Variants in ADPRHL1 observed in about 807,000 individuals in gnomAD.
ADPRHL1 encodes the protein inactive ADP-ribosyltransferase ARH2.
A neutral mutation model predicts 44.1 loss-of-function variants in ADPRHL1; 43 were observed. The observed-to-expected ratio is 0.98, with a 90% confidence interval of 0.76 to 1.26. The LOEUF is 1.26. ADPRHL1 is among the 50% of genes most tolerant of loss of function. The pLI is 0.00. For missense variants in ADPRHL1, 2,022 were observed against 2,496.9 expected, an observed-to-expected ratio of 0.81 and a Z score of 4.05; for synonymous variants, 878 against 1,017.4, an observed-to-expected ratio of 0.86 and a Z score of 2.61.
intron 2 of ADPRHL1, among the ~76,000 whole-genome samples, 160 bp downstream of exon 2, chr13:113,444,265 G>A (rs1404260754): frequency 6.6e-6 from 1 of 152,232 alleles, no homozygotes; most frequent in African/African-American, 2.4e-5. Context: ...GCACTGGCCG[G>A]GCTGACCAGG....
At chr13:113,439,668 G>A (rs566356370) in intron 2 of ADPRHL1, among the ~76,000 whole-genome samples, 2 of 151,904 alleles carry the variant, frequency 1.3e-5, no homozygotes, top group East Asian at 1.9e-4. Context: ...GCCTGGTCTC[G>A]AACACCTGAC....
Position 113,407,095 on chromosome 13 carries a change from CG to C in ADPRHL1, c.2186del (p.Pro729ArgfsTer30). The C allele has an allele frequency of 8.1e-7, 1 of 1,232,298 alleles. No homozygotes were observed. Among genetic ancestry groups the C allele is most frequent in the African/African-American group, 1.5e-5 (1 of 64,538 alleles). The allele number at this position is 1,232,298 out of a possible 1,614,324, so 76.3% of individuals were successfully genotyped here. A position where few individuals can be genotyped will look rare whatever the true frequency, so the allele number is the denominator to read the frequency against. ...GLVPASSPLG[P>X]ASPWGTGSAG... ...CTGATCCGGTGCCCCAAGGGCTGGC[CG>C]GTCCCAGTGGGGATGATGCAGGCAC... is the stretch of plus-strand genomic sequence containing the variant. On this transcript the variant is annotated frameshift_variant, in exon 8 of 8. Coordinates refer to ENST00000612156, the MANE Select transcript of ADPRHL1 (RefSeq NM_001394807.1). LOFTEE classifies it low-confidence loss of function (END_TRUNC).
At position 113,408,178 on chromosome 13, in the gene ADPRHL1, G is replaced by T. The variant is rs555614333; in HGVS notation, c.1104C>A (p.Asp368Glu). The T allele has an allele frequency of 4.9e-6, 6 of 1,231,910 alleles. No individual in the cohort carries two copies. Among genetic ancestry groups the T allele is most frequent in the Non-Finnish European group, 6.1e-6 (6 of 987,998 alleles). The allele number at this position is 1,231,910 out of a possible 1,614,324, so 76.3% of individuals were successfully genotyped here. The stretch of plus-strand genomic sequence containing the variant: ...CCATCTTCTTCTTCAGGGTTTGGGC[G>T]TCCACAGACATGACGTCACTGCAGG... ...SKTCSDVMSV[D>E]AQTLKKKMGK... Residue 368 changes from aspartate to glutamate, a missense_variant, in exon 8 of 8, where the codon GAC becomes GAA. Asp to Glu is a conservative substitution (Grantham distance 45). Coordinates refer to ENST00000612156, the MANE Select transcript of ADPRHL1 (RefSeq NM_001394807.1).
intron 3 of ADPRHL1, among the ~76,000 whole-genome samples, chr13:113,429,870 C>T (rs528703753): frequency 8.5e-5 from 13 of 152,366 alleles, no homozygotes; most frequent in African/African-American, 3.1e-4. Flanking sequence ...ATCTTATAGG[C>T]ACTGCCTCCC....
In ADPRHL1 at chr13:113,451,908, T is replaced by C. The variant is rs531184609; in HGVS notation, c.214+1316A>G. ...GATCTCCGTCGGTGCACTTTTGGAG[T>C]GTCCTGTGCCGCTGCCCTCCCTGCG... On this transcript the variant is annotated intron_variant, in intron 1 of 7. Coordinates refer to ENST00000612156, the MANE Select transcript of ADPRHL1 (RefSeq NM_001394807.1). Among the ~76,000 whole-genome samples the C allele has an allele frequency of 2.0e-5, 3 of 152,208 alleles. No individual in the cohort carries two copies. In the East Asian group the frequency reaches 5.8e-4, roughly 29 times the overall value.
rs1780226338 is a variant in ADPRHL1, at chr13:113,409,539, T to G, written c.1062-1319A>C. 1 of 985,244 alleles carries G rather than the reference T, an allele frequency of 1.0e-6. No individual in the cohort carries two copies. The highest frequency in any genetic ancestry group is 4.7e-5 in the South Asian group (1 of 21,292). The allele number at this position is 985,244 out of a possible 1,614,324, so 61.0% of individuals were successfully genotyped here. On this transcript the variant is annotated intron_variant, in intron 7 of 7. Transcript: ENST00000612156. The surrounding 1 kb of genome is among the most constrained non-coding windows in gnomAD (Gnocchi z 4.2). ...TGTGGGAGAAGAGTCGGTGGCCGGA[T>G]GCGGCTGGTGACGTGGTGCCAAGTG...
intron 2 of ADPRHL1, among the ~76,000 whole-genome samples, chr13:113,437,113 C>A (rs1213778425): frequency 2.1e-5 from 3 of 145,246 alleles, no homozygotes; most frequent in Non-Finnish European, 4.5e-5. Flanking sequence ...ACCCCGGGAC[C>A]CAGCACCCAC....
Position 113,425,172 on chromosome 13 carries a change from C to G in ADPRHL1, c.654G>C (p.Gln218His). 1 of 1,472,954 alleles carries G rather than the reference C, an allele frequency of 6.8e-7. No individual in the cohort carries two copies. 91.2% of individuals were successfully genotyped at this position (1,472,954 alleles called of 1,614,324 possible). ...RKTIRHTAEY[Q>H]EHWFYFEAKW... The stretch of plus-strand genomic sequence containing the variant: ...TAGCTTCAAAGTAAAACCAGTGCTC[C>G]TGGTATTCTAAACATAAAGAACAAG... The change falls in exon 5 of 8, where the codon CAG (glutamine) becomes CAC (histidine). Residue 218 changes from glutamine to histidine, a missense_variant. Gln to His is a conservative substitution (Grantham distance 24). Coordinates refer to ENST00000612156, the MANE Select transcript of ADPRHL1 (RefSeq NM_001394807.1).
intron 2 of ADPRHL1, among the ~76,000 whole-genome samples, chr13:113,434,814 GCA>G (rs1286075516): frequency 5.1e-5 from 5 of 97,284 alleles, no homozygotes; most frequent in African/African-American, 1.3e-4. Context: ...CGGCACCCAT[GCA>G]TAGAGTGAAC....
At position 113,422,938 on chromosome 13, in the gene ADPRHL1, C is replaced by T. The variant is rs529381572; in HGVS notation, c.949G>A (p.Gly317Arg). The T allele has an allele frequency of 2.2e-5, 36 of 1,612,792 alleles. No homozygotes were observed. Among genetic ancestry groups the T allele is most frequent in the Admixed American group, 3.3e-5 (2 of 60,006 alleles). ...ATGTIAGCLF[G>R]LLYGLDLVPK... ...ACGAGGTCCAGGCCGTACAGCAACC[C>T]GAACAGGCAGCCTGCAATGGTGCCC... Residue 317 changes from glycine (G) to arginine (R), a missense_variant, in exon 7 of 8, where the codon GGG becomes AGG. Gly to Arg is a moderately radical substitution (Grantham distance 125). Coordinates refer to ENST00000612156, the MANE Select transcript of ADPRHL1 (RefSeq NM_001394807.1).
rs1405393163 is a variant in ADPRHL1, at chr13:113,409,387, G to A, written c.1062-1167C>T. 1 of 985,250 alleles carries A rather than the reference G, an allele frequency of 1.0e-6. No homozygotes were observed. Among genetic ancestry groups the A allele is most frequent in the East Asian group, 1.1e-4 (1 of 8,820 alleles). 61.0% of individuals were successfully genotyped at this position (985,250 alleles called of 1,614,324 possible). On this transcript the variant is annotated intron_variant, in intron 7 of 7. Coordinates refer to ENST00000612156, the MANE Select transcript of ADPRHL1 (RefSeq NM_001394807.1). The surrounding 1 kb of genome is among the most constrained non-coding windows in gnomAD (Gnocchi z 4.2). Reference sequence around the variant, plus strand: ...TCATTCATTCTAAGGAGATCATCAGGGATGAGGAACAAAGACTCGAGTATT... The same window carrying A: ...TCATTCATTCTAAGGAGATCATCAGAGATGAGGAACAAAGACTCGAGTATT...
intron 7 of ADPRHL1, chr13:113,422,013 C>T (rs1194601026): frequency 6.6e-6 from 1 of 152,240 alleles, no homozygotes; most frequent in African/African-American, 2.4e-5. Flanking sequence ...TTATTTTAAA[C>T]AAGAGCAAGT....
chr13:113,426,628 A>G (rs966785443), intron 4 of ADPRHL1, among the ~76,000 whole-genome samples: 5 of 152,222 alleles, frequency 3.3e-5, no homozygotes, highest in African/African-American at 1.2e-4. Flanking sequence ...ACTTGGTTTC[A>G]CACAAGGAAA....
intron 2 of ADPRHL1, among the ~76,000 whole-genome samples, chr13:113,440,463 T>C (rs1206214789): frequency 6.6e-6 from 1 of 151,874 alleles, no homozygotes. Flanking sequence ...TCCATCTTTT[T>C]TTTTTTTTTT....
At chr13:113,429,517 C>T (rs948513679) in intron 3 of ADPRHL1, among the ~76,000 whole-genome samples, 1 of 152,246 alleles carries the variant, frequency 6.6e-6, no homozygotes, top group Non-Finnish European at 1.5e-5. Context: ...GCGGCTGAAT[C>T]GCATTCCGTG....
Position 113,403,442 on chromosome 13 carries a change from G to GCCCT in ADPRHL1, c.5836_5839dup (p.Ala1947GlufsTer19), listed in dbSNP as rs2043777619. On this transcript the variant is annotated frameshift_variant, in exon 8 of 8. Coordinates refer to ENST00000612156, the MANE Select transcript of ADPRHL1 (RefSeq NM_001394807.1). LOFTEE classifies it low-confidence loss of function (END_TRUNC). ...CATTGGTCTGAAGGACAAATCGAAG[G>GCCCT]CCCTCTGGTCACGGAAGCTCTGGGC... 2 of 1,232,088 alleles carry GCCCT rather than the reference G, an allele frequency of 1.6e-6. No homozygotes were observed. The highest frequency in any genetic ancestry group is 4.1e-5 in the South Asian group (1 of 24,310). The allele number at this position is 1,232,088 out of a possible 1,614,324, so 76.3% of individuals were successfully genotyped here. A position where few individuals can be genotyped will look rare whatever the true frequency, so the allele number is the denominator to read the frequency against.
At position 113,441,077 on chromosome 13, in the gene ADPRHL1, C is replaced by T. The variant is rs748586959; in HGVS notation, c.379+3348G>A. Among the ~76,000 whole-genome samples the T allele has an allele frequency of 2.0e-5, 3 of 152,044 alleles. No individual in the cohort carries two copies. Among genetic ancestry groups the T allele is most frequent in the Non-Finnish European group, 2.9e-5 (2 of 68,014 alleles). ...TGGAGGCAGGAGAATCAGCTGAACC[C>T]GGGAAGTAGAGGTTGCAGTGAGCCA... On this transcript the variant is annotated intron_variant, in intron 2 of 7. Transcript: ENST00000612156. This position sits in a 1 kb window ranked among gnomAD's most constrained non-coding sequence, Gnocchi z 6.0.
chr13:113,410,109 G>A (rs768353371), intron 7 of ADPRHL1: 72 of 985,268 alleles, frequency 7.3e-5, no homozygotes, highest in South Asian at 1.4e-4. Context: ...CCGTGTTGCC[G>A]TGGGCACGCG....
intron 5 of ADPRHL1, 82 bp from the exon 6 acceptor site, chr13:113,424,431 C>CAG: frequency 6.4e-7 from 1 of 1,567,650 alleles, no homozygotes; most frequent in South Asian, 1.2e-5. Flanking sequence ...TTCTGGGCCC[C>CAG]TCCTAGTGAA....
Sources: allele counts gnomAD v4.1 joint callset (sites outside exome capture counted in the v4.1 genomes callset), GRCh38; gene constraint gnomAD v4.1.1; non-coding constraint Gnocchi (gnomAD v3.1); transcripts MANE v1.5; gene names NCBI Gene and HGNC (gene_info 2026-07-23, HGNC 2026-07-21).